RNF17: variants seen among roughly 807,000 people sequenced by gnomAD.
RNF17 encodes spermatogenesis associated 23.
A neutral mutation model predicts 200.5 loss-of-function variants in RNF17; 31 were observed. The observed-to-expected ratio is 0.15, with a 90% CI of 0.12 to 0.21. The LOEUF is 0.21. Ranked by LOEUF, RNF17 falls within the 10% of genes least tolerant of loss-of-function variation. The pLI, the probability that RNF17 is intolerant of heterozygous loss-of-function variation, is 1.00. For synonymous variants in RNF17, 606 were observed against 637.8 expected (o/e 0.95, Z 0.75); for missense variants, 1,628 against 1,905.1 (o/e 0.85, Z 2.71).
At chr13:24,821,211 A>G (rs1433864208) in intron 15 of RNF17, among the ~76,000 whole-genome samples, 3 of 152,124 alleles carry the variant, frequency 2.0e-5, no homozygotes. Flanking sequence ...TGCCGTTTTT[A>G]TAAAGACATT....
chr13:24,884,770 TTCC>T (rs1953963757), downstream of RNF17, among the ~76,000 whole-genome samples: 1 of 152,196 alleles, frequency 6.6e-6, no homozygotes, highest in Non-Finnish European at 1.5e-5. Flanking sequence ...CCTTCTCTCA[TTCC>T]TCAAGGATAG....
chr13:24,825,106 C>T (rs895818953), intron 15 of RNF17, among the ~76,000 whole-genome samples: 2 of 152,044 alleles, frequency 1.3e-5, no homozygotes, highest in Non-Finnish European at 2.9e-5. Context: ...AGCTGGCTGT[C>T]TTCAACAAGA....
At chr13:24,754,374 G>A in the RNF17 span, among the ~76,000 whole-genome samples, 12 of 152,078 alleles carry the variant, frequency 7.9e-5, no homozygotes, top group African/African-American at 2.9e-4. Flanking sequence ...CACATGTAAA[G>A]CATCAGAACA....
chr13:24,752,231 T>G, the RNF17 span: 24 of 153,716 alleles, frequency 1.6e-4, no homozygotes, highest in East Asian at 3.6e-3. Flanking sequence ...CTCAAAGGCA[T>G]CCCATTTTGT....
chr13:24,833,611 CTTCT>C (rs1445818417), intron 18 of RNF17, among the ~76,000 whole-genome samples: 4 of 152,196 alleles, frequency 2.6e-5, no homozygotes, highest in Admixed American at 2.6e-4. Flanking sequence ...CTTGATTCCT[CTTCT>C]TTCTTTCTCA....
At position 24,831,944 on chromosome 13, in the gene RNF17, G is replaced by T. The variant is rs770726885; in HGVS notation, c.2448G>T (p.Lys816Asn). The T allele has an allele frequency of 1.3e-6, 2 of 1,598,456 alleles. No individual in the cohort carries two copies. Among genetic ancestry groups the T allele is most frequent in the Non-Finnish European group, 1.7e-6 (2 of 1,168,058 alleles). The change falls in exon 18 of 36, where the codon AAG becomes AAT. Residue 816 changes from lysine (K) to asparagine (N), a missense_variant. Coordinates refer to ENST00000255324, the MANE Select transcript of RNF17 (RefSeq NM_031277.3). ...SKEAKEKFEE[K>N]AQDKFMTCSV... is the part of the protein sequence containing the mutation. Reference sequence around the variant, plus strand: ...AAGCTAAAGAAAAATTTGAAGAAAAGGCTCAAGATAAATTTATGACATGTT... The same window carrying T: ...AAGCTAAAGAAAAATTTGAAGAAAATGCTCAAGATAAATTTATGACATGTT...
intron 1 of RNF17, 59 bp downstream of exon 1, chr13:24,764,392 A>C: frequency 6.6e-7 from 1 of 1,507,786 alleles, no homozygotes. Context: ...GCTGGGGGCC[A>C]GGTGAGCTGG....
chr13:24,753,706 C>T, the RNF17 span, among the ~76,000 whole-genome samples: 4 of 152,158 alleles, frequency 2.6e-5, no homozygotes, highest in African/African-American at 9.7e-5. Context: ...CACTGTGGCT[C>T]TTAGCAGATA....
Position 24,861,314 on chromosome 13 carries a change from A to G in RNF17, c.3821A>G (p.His1274Arg). The change falls in exon 27 of 36, where the codon CAT becomes CGT. Residue 1274 changes from histidine (H) to arginine (R), a missense_variant. This residue lies in a region of RNF17 where 609 missense variants were observed against 681.9 expected (regional missense o/e 0.89). Transcript: ENST00000255324. ...HGFTEKIPQC[H>R]LYPILLYPDI... ...TTCACTGAAAAGATTCCGCAGTGCC[A>G]TCTTTACCCTATTTTGCTGTATCCT... 6.9e-6 allele frequency: 11 copies of G among 1,594,512 alleles called. No homozygotes were observed. The highest frequency in any genetic ancestry group is 8.6e-6 in the Non-Finnish European group (10 of 1,169,122).
the RNF17 span, chr13:24,751,978 G>A: frequency 6.6e-6 from 1 of 152,204 alleles, no homozygotes; most frequent in Non-Finnish European, 1.5e-5. Flanking sequence ...TCAACAGCAT[G>A]TGCATTTGCT....
At chr13:24,779,083 G>C (rs1881994196) in intron 4 of RNF17, among the ~76,000 whole-genome samples, 1 of 152,078 alleles carries the variant, frequency 6.6e-6, no homozygotes, top group South Asian at 2.1e-4. Flanking sequence ...TGTAATTCCA[G>C]TTACTCGCAA....
chr13:24,846,431 T>C (rs17081267), intron 22 of RNF17, among the ~76,000 whole-genome samples: 18,866 of 152,234 alleles, frequency 0.12, 1,273 homozygotes, highest in Admixed American at 0.15. Context: ...AGAACAGTTG[T>C]TAACTTTTGT....
intron 15 of RNF17, among the ~76,000 whole-genome samples, chr13:24,809,591 G>A (rs999958377): frequency 6.6e-6 from 1 of 151,908 alleles, no homozygotes; most frequent in African/African-American, 2.4e-5. Flanking sequence ...CAAAAAACCA[G>A]CTCCTGGATT....
chr13:24,815,171 T>C (rs1394069824), intron 15 of RNF17, among the ~76,000 whole-genome samples: 1 of 152,240 alleles, frequency 6.6e-6, no homozygotes, highest in Non-Finnish European at 1.5e-5. Context: ...ATCTTATCCA[T>C]GAACACCGGA....
intron 2 of RNF17, among the ~76,000 whole-genome samples, chr13:24,772,426 A>ATTTTTTTTTTTTTTTTT (rs34066913): frequency 4.7e-5 from 5 of 106,018 alleles, no homozygotes; most frequent in East Asian, 2.7e-4. Flanking sequence ...TTGAGTCTCC[A>ATTTTTTTTTTTTTTTTT]TTTTTTTTTT....
At chr13:24,877,993 A>G (rs555487220) in intron 34 of RNF17, among the ~76,000 whole-genome samples, 1 of 152,374 alleles carries the variant, frequency 6.6e-6, no homozygotes, top group Non-Finnish European at 1.5e-5. Flanking sequence ...TCTAAAAACT[A>G]GGAATCCTGG....
chr13:24,872,354 C>T (rs1593494488), intron 32 of RNF17, among the ~76,000 whole-genome samples: 1 of 152,136 alleles, frequency 6.6e-6, no homozygotes, highest in Admixed American at 6.5e-5. Context: ...TATTTTAATG[C>T]CACTTGCCCA....
intron 25 of RNF17, among the ~76,000 whole-genome samples, chr13:24,856,419 CAAAAAA>C (rs60553495): frequency 9.8e-6 from 1 of 101,600 alleles, no homozygotes; most frequent in Non-Finnish European, 2.0e-5. Flanking sequence ...GAATCCGTCT[CAAAAAA>C]AAAAAAAAAA....
At chr13:24,884,487 C>T, downstream of RNF17, 1 of 1,613,298 alleles carries the variant, frequency 6.2e-7, no homozygotes, top group Non-Finnish European at 8.5e-7. Context: ...ACAAGATTAT[C>T]ACCTAAGATT....
Sources: gnomAD v4.1 joint callset for allele counts (sites outside exome capture counted in the v4.1 genomes callset) on GRCh38, gnomAD v4.1.1 for gene constraint, gnomAD v4.1.1 regional missense constraint, MANE v1.5 for transcripts, NCBI Gene and HGNC (gene_info 2026-07-23, HGNC 2026-07-21) for gene names.